RNF125: variants seen among roughly 807,000 people sequenced by gnomAD.
The protein encoded by RNF125 is ring finger protein 125.
In RNF125, 21 loss-of-function variants were observed where a neutral mutation model predicts 26.0. The observed-to-expected ratio is 0.81, with a 90% CI of 0.57 to 1.16. RNF125 has a LOEUF of 1.16. RNF125 is among the 50% of genes most tolerant of loss of function. The pLI, the probability that RNF125 is intolerant of heterozygous loss-of-function variation, is 0.00. For missense variants in RNF125, 270 were observed against 299.4 expected, an observed-to-expected ratio of 0.90 and a Z score of 0.72; for synonymous variants, 95 against 109.2, an observed-to-expected ratio of 0.87 and a Z score of 0.81.
chr18:32,052,357 G>T (rs1034404887), intron 4 of RNF125, among the ~76,000 whole-genome samples: 1 of 151,836 alleles, frequency 6.6e-6, no homozygotes, highest in Non-Finnish European at 1.5e-5. Flanking sequence ...GCCAGGCACG[G>T]TGGCGCGCGT....
At chr18:32,049,762 TG>T (rs1476562524) in intron 4 of RNF125, among the ~76,000 whole-genome samples, 29 of 152,116 alleles carry the variant, frequency 1.9e-4, no homozygotes, top group African/African-American at 7.0e-4. Flanking sequence ...GACCTTCAGG[TG>T]TCCTGTGTTA....
At chr18:32,077,880 C>T (rs996354472), downstream of RNF125, among the ~76,000 whole-genome samples, 16 of 151,804 alleles carry the variant, frequency 1.1e-4, no homozygotes, top group African/African-American at 3.9e-4. Context: ...CCTTGACCTC[C>T]CAGGTCCAAG....
chr18:32,054,678 T>C (rs985038724), intron 4 of RNF125, among the ~76,000 whole-genome samples: 2 of 152,256 alleles, frequency 1.3e-5, no homozygotes, highest in Admixed American at 1.3e-4. Flanking sequence ...TAGGAACTGA[T>C]GTGAAGTAGA....
At chr18:32,037,870 A>T (rs1280931597) in intron 2 of RNF125, among the ~76,000 whole-genome samples, 1 of 151,998 alleles carries the variant, frequency 6.6e-6, no homozygotes, top group African/African-American at 2.4e-5. Flanking sequence ...GATTGGAAAA[A>T]CTGCACTCTG....
chr18:32,050,270 A>T (rs1415415753), intron 4 of RNF125, among the ~76,000 whole-genome samples: 2 of 152,174 alleles, frequency 1.3e-5, no homozygotes, highest in Admixed American at 6.6e-5. Context: ...ATGCATCCTT[A>T]AGAGCCAATA....
chr18:32,080,386 TCTTA>T, the RNF125 span, among the ~76,000 whole-genome samples: 1 of 152,216 alleles, frequency 6.6e-6, no homozygotes, highest in African/African-American at 2.4e-5. Context: ...TTTGAAACAC[TCTTA>T]CTAATGTATG....
At chr18:32,041,490 C>G (rs1156964900) in intron 2 of RNF125, among the ~76,000 whole-genome samples, 1 of 151,882 alleles carries the variant, frequency 6.6e-6, no homozygotes, top group East Asian at 1.9e-4. Context: ...TGTTTCTTCT[C>G]TCTTGTGCTC....
At chr18:32,087,756 G>A in the RNF125 span, among the ~76,000 whole-genome samples, 10 of 152,234 alleles carry the variant, frequency 6.6e-5, no homozygotes, top group East Asian at 1.7e-3. Flanking sequence ...GATTCCTTGT[G>A]TAAAAAGAGC....
In RNF125 at chr18:32,031,486, G is replaced by GAAAAAAAAAAAAAAA. The variant is rs745809061; in HGVS notation, c.165-5618_165-5604dup. ...CATTGGCATACAACTCAAATTGTGG[G>GAAAAAAAAAAAAAAA]AAAAAAAAAAAAAAAAAAAAAAAAA... On this transcript the variant is annotated intron_variant, in intron 1 of 5. Coordinates refer to ENST00000217740, the MANE Select transcript of RNF125 (RefSeq NM_017831.4). 4 of 20,956 alleles carry GAAAAAAAAAAAAAAA rather than the reference G, an allele frequency of 1.9e-4. 1 individual carries two copies. The highest frequency in any genetic ancestry group is 1.3e-3 in the Admixed American group (2 of 1,538). 1.3% of individuals were successfully genotyped at this position (20,956 alleles called of 1,614,324 possible).
Position 32,040,299 on chromosome 18 carries a change from T to G in RNF125, c.319-1880T>G, listed in dbSNP as rs1248405657. Among the ~76,000 whole-genome samples the G allele has an allele frequency of 2.3e-5, 3 of 129,238 alleles. No individual in the cohort carries two copies. The Admixed American group carries it at 2.8e-4, about 12-fold the overall frequency. The allele number at this position is 129,238 out of a possible 152,430, so 84.8% of individuals were successfully genotyped here. A position where few individuals can be genotyped will look rare whatever the true frequency, so the allele number is the denominator to read the frequency against. ...TTTTTTTTTTTTTTTTGAGACAGAGTCTTGCTCTGTCACCCAGGCTGTAGT... is the reference window on the plus strand; with the variant it reads ...TTTTTTTTTTTTTTTTGAGACAGAGGCTTGCTCTGTCACCCAGGCTGTAGT... On this transcript the variant is annotated intron_variant, in intron 2 of 5. Coordinates refer to ENST00000217740, the MANE Select transcript of RNF125 (RefSeq NM_017831.4).
intron 3 of RNF125, among the ~76,000 whole-genome samples, chr18:32,043,889 G>A (rs909674076): frequency 3.3e-5 from 5 of 152,116 alleles, no homozygotes; most frequent in African/African-American, 1.2e-4. Context: ...CAAGTTTTGG[G>A]GGACAAGAAG....
the RNF125 span, among the ~76,000 whole-genome samples, chr18:32,084,726 A>G: frequency 2.0e-5 from 3 of 152,190 alleles, no homozygotes; most frequent in Non-Finnish European, 2.9e-5. Context: ...ATTCACCTCT[A>G]TCCTAATCAA....
chr18:32,028,075 G>A (rs1210858858), intron 1 of RNF125, among the ~76,000 whole-genome samples: 7 of 151,874 alleles, frequency 4.6e-5, no homozygotes, highest in Non-Finnish European at 8.8e-5. Flanking sequence ...GAGGCGGGCG[G>A]ATCATGAGGT....
At chr18:32,086,701 G>A in the RNF125 span, among the ~76,000 whole-genome samples, 2 of 151,986 alleles carry the variant, frequency 1.3e-5, no homozygotes, top group African/African-American at 4.8e-5. Flanking sequence ...TGTATTTTTA[G>A]TAGAGGCAGG....
the RNF125 span, among the ~76,000 whole-genome samples, chr18:32,087,944 A>G: frequency 6.6e-6 from 1 of 152,118 alleles, no homozygotes; most frequent in African/African-American, 2.4e-5. Flanking sequence ...CCAAGACCAC[A>G]CTTCCATCCA....
At chr18:32,064,504 C>A (rs531444659) in intron 4 of RNF125, among the ~76,000 whole-genome samples, 2 of 148,324 alleles carry the variant, frequency 1.3e-5, no homozygotes, top group African/African-American at 5.0e-5. Context: ...TGTCTCCACA[C>A]CCAGGGATTA....
intron 1 of RNF125, among the ~76,000 whole-genome samples, chr18:32,020,071 G>T (rs987099302): frequency 6.6e-6 from 1 of 151,176 alleles, no homozygotes; most frequent in Non-Finnish European, 1.5e-5. Context: ...TGGCTCTGTC[G>T]CCCAGGCTGG....
chr18:32,028,586 CTTTTT>C (rs71177830), intron 1 of RNF125, among the ~76,000 whole-genome samples: 6 of 127,692 alleles, frequency 4.7e-5, no homozygotes, highest in Non-Finnish European at 5.0e-5. Context: ...ATTTTGTTTC[CTTTTT>C]TTTTTTTTTT....
intron 3 of RNF125, among the ~76,000 whole-genome samples, chr18:32,044,439 C>A (rs989802251): frequency 6.6e-6 from 1 of 152,092 alleles, no homozygotes; most frequent in Non-Finnish European, 1.5e-5. Flanking sequence ...ATCATCTGAA[C>A]GTGTAATCAG....
Sources: allele counts gnomAD v4.1 joint callset (sites outside exome capture counted in the v4.1 genomes callset), GRCh38; gene constraint gnomAD v4.1.1; transcripts MANE v1.5; gene names NCBI Gene and HGNC (gene_info 2026-07-23, HGNC 2026-07-21).